The following PITPNM3 variants were observed in gnomAD, a reference collection of about 807,000 sequenced individuals.
The protein encoded by PITPNM3 is PITPNM family member 3, also known as membrane-associated phosphatidylinositol transfer protein 3.
In PITPNM3, 26 loss-of-function variants were observed where a neutral mutation model predicts 102.0. The ratio of observed to expected loss-of-function variants is 0.25; its 90% confidence interval spans 0.19 to 0.35. The LOEUF (loss-of-function observed/expected upper bound fraction) is 0.35, where lower values mean the gene tolerates loss of function less well. Ranked by LOEUF, PITPNM3 falls within the 10% of genes least tolerant of loss-of-function variation. The pLI is 1.00. For missense variants in PITPNM3, 1,083 were observed against 1,346.1 expected (o/e 0.80, Z 3.06); for synonymous variants, 578 against 558.6 (o/e 1.03, Z -0.49).
At chr17:6,500,290 T>G (rs906002549) in intron 4 of PITPNM3, among the ~76,000 whole-genome samples, 3 of 152,384 alleles carry the variant, frequency 2.0e-5, no homozygotes, top group South Asian at 2.1e-4. Context: ...TATACTTGCA[T>G]GCAAATTGTC....
chr17:6,529,828 T>C (rs1909042893), intron 2 of PITPNM3, among the ~76,000 whole-genome samples: 2 of 152,160 alleles, frequency 1.3e-5, no homozygotes, highest in South Asian at 4.1e-4. Context: ...CTATAGCCAA[T>C]ACCATGACTC....
intron 3 of PITPNM3, among the ~76,000 whole-genome samples, chr17:6,513,048 T>A (rs1343727256): frequency 1.3e-5 from 2 of 149,540 alleles, no homozygotes; most frequent in Middle Eastern, 3.2e-3. Context: ...AAAAACCACA[T>A]GAACATCTCA....
chr17:6,465,799 C>T (rs1470530444), intron 14 of PITPNM3, among the ~76,000 whole-genome samples: 1 of 152,202 alleles, frequency 6.6e-6, no homozygotes, highest in African/African-American at 2.4e-5. Flanking sequence ...AGCCCCCACT[C>T]CCAGCCTGGC....
rs2150665262 is a variant in PITPNM3, at chr17:6,538,083, C to G, written c.23-1G>C. The G allele has an allele frequency of 1.2e-6, 2 of 1,603,838 alleles. No individual in the cohort carries two copies. Among genetic ancestry groups the G allele is most frequent in the Non-Finnish European group, 1.7e-6 (2 of 1,170,718 alleles). The stretch of plus-strand genomic sequence containing the variant: ...GCACCGCCGCCCGGGGGAGGACCAC[C>G]TGTTAAAGGGAACACATCTGTTAAC... On this transcript the variant is annotated splice_acceptor_variant, in intron 1 of 19. Coordinates refer to ENST00000262483, the MANE Select transcript of PITPNM3 (RefSeq NM_031220.4). LOFTEE classifies it high-confidence loss of function.
In PITPNM3 at chr17:6,458,810, C is replaced by T. The variant is rs1904324842; in HGVS notation, c.2491-1088G>A. The stretch of plus-strand genomic sequence containing the variant: ...CTCCCACACCTGCCCGGCCAAATCT[C>T]AGCCCTGGAAATTTTTTCCACTATC... On this transcript the variant is annotated intron_variant, in intron 18 of 19. Transcript: ENST00000262483. This position sits in a 1 kb window ranked among gnomAD's most constrained non-coding sequence, Gnocchi z 5.1. Among the ~76,000 whole-genome samples the T allele has an allele frequency of 1.3e-5, 2 of 152,108 alleles. No homozygotes were observed. The highest frequency in any genetic ancestry group is 4.2e-4 in the South Asian group (2 of 4,814).
chr17:6,485,568 CAG>C (rs1359834764), intron 4 of PITPNM3, among the ~76,000 whole-genome samples: 1 of 152,096 alleles, frequency 6.6e-6, no homozygotes, highest in Admixed American at 6.6e-5. Context: ...TTGAAGTTAA[CAG>C]AGAAATAATA....
chr17:6,534,220 C>T (rs1324614628), intron 2 of PITPNM3, among the ~76,000 whole-genome samples: 2 of 152,168 alleles, frequency 1.3e-5, no homozygotes, highest in Non-Finnish European at 2.9e-5. Context: ...ATCTGGGAGC[C>T]TGGACCCCAT....
At position 6,505,193 on chromosome 17, in the gene PITPNM3, A is replaced by ATAT. The variant is rs1198801942; in HGVS notation, c.227-1620_227-1619insATA. 7.2e-4 allele frequency among the ~76,000 whole-genome samples: 52 copies of ATAT among 72,316 alleles called. 1 individual carries two copies. Among genetic ancestry groups the ATAT allele is most frequent in the African/African-American group, 2.2e-3 (48 of 22,242 alleles). 47.4% of individuals were successfully genotyped at this position (72,316 alleles called of 152,430 possible). On this transcript the variant is annotated intron_variant, in intron 3 of 19. Transcript: ENST00000262483. ...TCCGTCTCCAAAAAAGAAGACAAAT[A>ATAT]AAATATATATATATATATATATGTA...
chr17:6,532,005 T>C (rs1030293781), intron 2 of PITPNM3, among the ~76,000 whole-genome samples: 1 of 151,328 alleles, frequency 6.6e-6, no homozygotes, highest in Non-Finnish European at 1.5e-5. Context: ...ACTTGGGAGG[T>C]TGAGGCAGGA....
chr17:6,532,519 G>A (rs763037224), intron 2 of PITPNM3, among the ~76,000 whole-genome samples: 14 of 151,902 alleles, frequency 9.2e-5, no homozygotes, highest in Non-Finnish European at 1.8e-4. Flanking sequence ...CCAGGCGACC[G>A]CTGATCTGCT....
Position 6,468,251 on chromosome 17 carries a change from G to A in PITPNM3, c.1864C>T (p.Arg622Cys). ...SPANPREKWL[R>C]KRTQVKLRNV... is the part of the protein sequence containing the mutation. ...CTCAGCTTGACCTGAGTCCGCTTACGAAGCCACTTCTCCCGGGGGTTGGCA... is the reference window on the plus strand; with the variant it reads ...CTCAGCTTGACCTGAGTCCGCTTACAAAGCCACTTCTCCCGGGGGTTGGCA... The change falls in exon 14 of 20, where the codon CGT becomes TGT. Residue 622 changes from arginine (R) to cysteine (C), a missense_variant. Physicochemically the swap from Arg to Cys is radical, Grantham distance 180. Around this residue, in one of 5 missense-constraint regions of PITPNM3, gnomAD observed 410 missense variants for 638.4 expected, o/e 0.64. Coordinates refer to ENST00000262483, the MANE Select transcript of PITPNM3 (RefSeq NM_031220.4). The surrounding 1 kb of genome is among the most constrained non-coding windows in gnomAD (Gnocchi z 5.2). The A allele has an allele frequency of 2.5e-6, 4 of 1,613,616 alleles. No homozygotes were observed. The highest frequency in any genetic ancestry group is 1.3e-5 in the African/African-American group (1 of 75,036).
At position 6,459,908 on chromosome 17, in the gene PITPNM3, T is replaced by C. The variant is rs1164684280; in HGVS notation, c.2490+1465A>G. ...ATCCCATACCCATCATCGCCTGGAT[T>C]ATGGTCTTCCTGTCTTTTGCTTGGG... is the stretch of plus-strand genomic sequence containing the variant. On this transcript the variant is annotated intron_variant, in intron 18 of 19. Transcript: ENST00000262483. This position sits in a 1 kb window ranked among gnomAD's most constrained non-coding sequence, Gnocchi z 5.0. 6.6e-6 allele frequency among the ~76,000 whole-genome samples: 1 copy of C among 152,082 alleles called. No individual in the cohort carries two copies. The highest frequency in any genetic ancestry group is 1.5e-5 in the Non-Finnish European group (1 of 68,022).
At position 6,538,069 on chromosome 17, in the gene PITPNM3, CG is replaced by C; in HGVS notation, c.35del (p.Pro12ArgfsTer42). On this transcript the variant is annotated frameshift_variant, in exon 2 of 20. Coordinates refer to ENST00000262483, the MANE Select transcript of PITPNM3 (RefSeq NM_031220.4). LOFTEE classifies it high-confidence loss of function. ...AKAGRAGGPP[P>X]GGGAPWHLRN... ...GAAGGTGCCAGGGGGCACCGCCGCC[CG>C]GGGGAGGACCACCTGTTAAAGGGAA... The C allele has an allele frequency of 1.9e-6, 3 of 1,610,914 alleles. No individual in the cohort carries two copies. Among genetic ancestry groups the C allele is most frequent in the Non-Finnish European group, 2.5e-6 (3 of 1,177,254 alleles).
At position 6,468,180 on chromosome 17, in the gene PITPNM3, C is replaced by T. The variant is rs771936691; in HGVS notation, c.1890+45G>A. The T allele has an allele frequency of 1.2e-5, 19 of 1,589,586 alleles. No homozygotes were observed. The highest frequency in any genetic ancestry group is 2.2e-4 in the Middle Eastern group (1 of 4,586). On this transcript the variant is annotated intron_variant, in intron 14 of 19. Transcript: ENST00000262483. This position sits in a 1 kb window ranked among gnomAD's most constrained non-coding sequence, Gnocchi z 5.2. ...CAGCCCCCGGGCCAGCCCCACCTCC[C>T]GGAGGACACAGTCCCAGCCACATGC...
At chr17:6,544,104 C>G (rs570106713) in intron 1 of PITPNM3, among the ~76,000 whole-genome samples, 132 of 152,344 alleles carry the variant, frequency 8.7e-4, no homozygotes, top group African/African-American at 3.2e-3. Flanking sequence ...GGTGGGTGCA[C>G]AGCATTGGGC....
chr17:6,477,082 G>A lies in PITPNM3; in HGVS notation c.1032C>T (p.Asp344=), dbSNP rs756470936. The A allele has an allele frequency of 1.2e-6, 2 of 1,614,086 alleles. No homozygotes were observed. Among genetic ancestry groups the A allele is most frequent in the Non-Finnish European group, 1.7e-6 (2 of 1,180,044 alleles). The part of the protein sequence containing the change: ...PKRPLPRKQS[D]SSTYDCEAIT... Reference sequence around the variant, plus strand: ...TGGCCTCGCAGTCATAGGTGGAGGAGTCGCTCTGTTTCCGCGGCAACGGCC... The same window carrying A: ...TGGCCTCGCAGTCATAGGTGGAGGAATCGCTCTGTTTCCGCGGCAACGGCC... The change falls in exon 9 of 20, where the codon GAC becomes GAT. Residue 344 remains aspartate, a synonymous_variant. Transcript: ENST00000262483.
At chr17:6,530,430 T>C (rs976682115) in intron 2 of PITPNM3, among the ~76,000 whole-genome samples, 1 of 152,112 alleles carries the variant, frequency 6.6e-6, no homozygotes, top group Non-Finnish European at 1.5e-5. Flanking sequence ...ACAAGCAGAT[T>C]CCGCAACACA....
intron 18 of PITPNM3, 30 bp downstream of exon 18, chr17:6,461,343 T>C: frequency 1.2e-6 from 2 of 1,609,684 alleles, no homozygotes; most frequent in East Asian, 4.5e-5. Flanking sequence ...TCTCAAGCCA[T>C]GGAGTCCCCA....
intron 1 of PITPNM3, among the ~76,000 whole-genome samples, chr17:6,539,254 A>T (rs1267153370): frequency 6.6e-6 from 1 of 152,070 alleles, no homozygotes; most frequent in African/African-American, 2.4e-5. Flanking sequence ...CGGGCCCTGG[A>T]TTTACTGCAA....
Sources: allele counts gnomAD v4.1 joint callset (sites outside exome capture counted in the v4.1 genomes callset), GRCh38; gene constraint gnomAD v4.1.1; regional missense constraint gnomAD v4.1.1; non-coding constraint Gnocchi (gnomAD v3.1); transcripts MANE v1.5; gene names NCBI Gene and HGNC (gene_info 2026-07-23, HGNC 2026-07-21).